FANCC: variants seen among roughly 807,000 people sequenced by gnomAD.
FANCC encodes Fanconi anemia group C protein.
FANCC carries 55 observed loss-of-function variants against 71.3 expected under a neutral mutation model. That is an observed-to-expected ratio of 0.77 (90% CI 0.62 to 0.97). FANCC has a LOEUF of 0.97. Ranked by LOEUF, FANCC falls within the 50% of genes least tolerant of loss-of-function variation. FANCC has a pLI of 0.00. For synonymous variants in FANCC, 275 were observed against 244.9 expected (o/e 1.12, Z -1.15); for missense variants, 678 against 670.9 (o/e 1.01, Z -0.12).
intron 1 of FANCC, among the ~76,000 whole-genome samples, chr9:95,251,560 C>T (rs1269431661): frequency 6.6e-6 from 1 of 152,118 alleles, no homozygotes; most frequent in East Asian, 1.9e-4. Flanking sequence ...AAGTGATCCG[C>T]CCTCCTCTGC....
At chr9:95,262,912 A>G (rs1189708962) in intron 1 of FANCC, among the ~76,000 whole-genome samples, 1 of 152,218 alleles carries the variant, frequency 6.6e-6, no homozygotes, top group African/African-American at 2.4e-5. Context: ...ACAATAGTCA[A>G]ATTCACAGAG....
At chr9:95,250,144 C>T (rs769787224) in intron 1 of FANCC, among the ~76,000 whole-genome samples, 3 of 152,140 alleles carry the variant, frequency 2.0e-5, no homozygotes, top group African/African-American at 7.2e-5. Flanking sequence ...GCTGGCTCAG[C>T]GGCTCCAGCT....
At chr9:95,109,667 GTTC>G (rs1365267454) in intron 13 of FANCC, 1 of 152,244 alleles carries the variant, frequency 6.6e-6, no homozygotes, top group East Asian at 1.9e-4. Context: ...TTGCACCCAT[GTTC>G]TTCACCTCAA....
In FANCC at chr9:95,293,056, A is replaced by G. The variant is rs116415964; in HGVS notation, c.-79+24470T>C. On this transcript the variant is annotated intron_variant, in intron 1 of 14. Transcript: ENST00000289081. ...TGTGCAAAACCAGAAGTTATCCAAC[A>G]AGACCACTGAATCATTTAACAACCA... 4.3e-4 allele frequency: 690 copies of G among 1,600,044 alleles called. 6 individuals are homozygous for G. In the East Asian group the frequency reaches 0.013, roughly 30 times the overall value.
intron 11 of FANCC, 146 bp from the exon 12 acceptor site, chr9:95,114,856 C>CTAG: frequency 1.4e-6 from 1 of 721,564 alleles, no homozygotes; most frequent in South Asian, 1.5e-5. Context: ...ATGCTTTTCC[C>CTAG]AGCCAGTACC....
rs560444013 is a variant in FANCC, at chr9:95,100,058, T to C, written c.*1649A>G. On this transcript the variant is annotated 3_prime_UTR_variant, in exon 15 of 15. Transcript: ENST00000289081. Reference sequence around the variant, plus strand: ...GTCCACAGAGGAGTCACAGCTTCCATGGCCCAGCCACAAGTTCTGGCTTAA... The same window carrying C: ...GTCCACAGAGGAGTCACAGCTTCCACGGCCCAGCCACAAGTTCTGGCTTAA... 5.2e-5 allele frequency: 12 copies of C among 232,082 alleles called. No homozygotes were observed. The highest frequency in any genetic ancestry group is 9.4e-5 in the Non-Finnish European group (11 of 117,394). 14.4% of individuals were successfully genotyped at this position (232,082 alleles called of 1,614,324 possible).
rs2071071786 is a variant in FANCC at position 95,101,533 on chromosome 9, C to G, written c.*174G>C. The stretch of plus-strand genomic sequence containing the variant: ...ACTGAGTCTGGGCTGAGGGACCTGG[C>G]TCTGCATTTTGTAAAATAGATACTA... On this transcript the variant is annotated 3_prime_UTR_variant, in exon 15 of 15. Coordinates refer to ENST00000289081, the MANE Select transcript of FANCC (RefSeq NM_000136.3). 2.6e-6 allele frequency: 2 copies of G among 776,612 alleles called. No individual in the cohort carries two copies. Among genetic ancestry groups the G allele is most frequent in the South Asian group, 3.3e-5 (2 of 60,340 alleles). The allele number at this position is 776,612 out of a possible 1,614,324, so 48.1% of individuals were successfully genotyped here.
chr9:95,264,430 C>T (rs1564809297), intron 1 of FANCC, among the ~76,000 whole-genome samples: 1 of 152,068 alleles, frequency 6.6e-6, no homozygotes, highest in African/African-American at 2.4e-5. Context: ...ACATTTAAAA[C>T]AAAGCTCATT....
At chr9:95,135,570 T>C (rs1009536181) in intron 7 of FANCC, 68 bp from the exon 8 acceptor site, 22 of 1,406,298 alleles carry the variant, frequency 1.6e-5, no homozygotes, top group Middle Eastern at 3.6e-4. Flanking sequence ...TTAAAAAAAG[T>C]TCAAAATGCA....
At chr9:95,291,993 T>TATA (rs1834048581) in intron 1 of FANCC, among the ~76,000 whole-genome samples, 5 of 124,482 alleles carry the variant, frequency 4.0e-5, no homozygotes, top group Non-Finnish European at 6.9e-5. Flanking sequence ...TATATATATA[T>TATA]TAAGACCCCA....
intron 4 of FANCC, among the ~76,000 whole-genome samples, chr9:95,205,948 T>C (rs1828095267): frequency 6.6e-6 from 1 of 152,154 alleles, no homozygotes; most frequent in Non-Finnish European, 1.5e-5. Context: ...TTAAATTCAA[T>C]TTACCAGGAC....
intron 4 of FANCC, among the ~76,000 whole-genome samples, chr9:95,194,264 C>T (rs1314775321): frequency 2.6e-5 from 4 of 152,104 alleles, no homozygotes; most frequent in African/African-American, 7.2e-5. Flanking sequence ...GTGACAAATT[C>T]TCCTACTTTT....
At chr9:95,183,641 T>C (rs1352661273) in intron 4 of FANCC, among the ~76,000 whole-genome samples, 1 of 152,238 alleles carries the variant, frequency 6.6e-6, no homozygotes, top group African/African-American at 2.4e-5. Flanking sequence ...CTCATGTTGG[T>C]AACACTGACC....
chr9:95,164,573 C>T (rs1208468342), intron 6 of FANCC, among the ~76,000 whole-genome samples: 1 of 152,038 alleles, frequency 6.6e-6, no homozygotes, highest in Non-Finnish European at 1.5e-5. Flanking sequence ...GGTTTTTGTT[C>T]ATCATTTTAT....
At chr9:95,114,401 C>T (rs1178137122) in intron 12 of FANCC, 2 of 599,386 alleles carry the variant, frequency 3.3e-6, no homozygotes, top group South Asian at 1.8e-5. Flanking sequence ...CATTTCGATA[C>T]AGGTATTGGC....
intron 4 of FANCC, among the ~76,000 whole-genome samples, chr9:95,217,813 A>C (rs886163190): frequency 3.3e-5 from 5 of 152,132 alleles, no homozygotes; most frequent in African/African-American, 9.7e-5. Context: ...AATAAACCCA[A>C]AACCTGGCTA....
intron 1 of FANCC, among the ~76,000 whole-genome samples, chr9:95,262,021 A>G (rs962360486): frequency 6.6e-6 from 1 of 152,196 alleles, no homozygotes; most frequent in African/African-American, 2.4e-5. Flanking sequence ...CCTTCTTCTC[A>G]CACATATAAA....
chr9:95,236,020 G>GT (rs1399455002), intron 4 of FANCC, among the ~76,000 whole-genome samples: 1 of 151,908 alleles, frequency 6.6e-6, no homozygotes, highest in Non-Finnish European at 1.5e-5. Flanking sequence ...TAATTTATAA[G>GT]TTTTTTCTTT....
At chr9:95,114,806 C>G in intron 11 of FANCC, 96 bp from the exon 12 acceptor site, 1 of 1,020,408 alleles carries the variant, frequency 9.8e-7, no homozygotes, top group Non-Finnish European at 1.6e-6. Flanking sequence ...CTTTGGGAGA[C>G]GCCCTTTACT....
Sources: gnomAD v4.1 joint callset for allele counts (sites outside exome capture counted in the v4.1 genomes callset) on GRCh38, gnomAD v4.1.1 for gene constraint, MANE v1.5 for transcripts, NCBI Gene and HGNC (gene_info 2026-07-23, HGNC 2026-07-21) for gene names.